Variants in HPSE2 observed in about 807,000 individuals in gnomAD.
HPSE2 encodes the protein heparanase 2 (inactive).
Under a neutral mutation model 60.5 loss-of-function variants are expected in HPSE2, and 38 were observed. The observed-to-expected ratio is 0.63, with a 90% CI of 0.48 to 0.82. The LOEUF is 0.82. Among genes scored for constraint, HPSE2 ranks in the 40% least tolerant of loss-of-function variants. The pLI is 0.00. For synonymous variants in HPSE2, 295 were observed against 293.2 expected (o/e 1.01, Z -0.06); for missense variants, 713 against 740.4 (o/e 0.96, Z 0.43).
chr10:98,549,632 T>C (rs537569065), intron 9 of HPSE2, among the ~76,000 whole-genome samples: 3 of 152,314 alleles, frequency 2.0e-5, no homozygotes, highest in African/African-American at 7.2e-5. Flanking sequence ...ATCTAATCAA[T>C]TTGGTCCAAG....
intron 3 of HPSE2, among the ~76,000 whole-genome samples, chr10:98,843,690 C>A (rs1346575660): frequency 3.3e-5 from 5 of 152,170 alleles, no homozygotes; most frequent in South Asian, 4.1e-4. Context: ...CATGAAAAAA[C>A]CAGCATTTTA....
chr10:99,094,959 G>C (rs1193483561), intron 3 of HPSE2, among the ~76,000 whole-genome samples: 1 of 152,052 alleles, frequency 6.6e-6, no homozygotes, highest in African/African-American at 2.4e-5. Flanking sequence ...AGGCCAAGGT[G>C]GGAGGATCGC....
At position 99,215,221 on chromosome 10, in the gene HPSE2, A is replaced by G. The variant is rs79666706; in HGVS notation, c.448+17127T>C. Among the ~76,000 whole-genome samples, 384 of 152,308 alleles carry G rather than the reference A, an allele frequency of 2.5e-3. 2 individuals are homozygous for G. The highest frequency in any genetic ancestry group is 8.8e-3 in the African/African-American group (364 of 41,578). ...ACCCAAATGCCCACCAATGACGGACATTTCTTTATTTTCACCAATGAAGAA... is the reference window on the plus strand; with the variant it reads ...ACCCAAATGCCCACCAATGACGGACGTTTCTTTATTTTCACCAATGAAGAA... On this transcript the variant is annotated intron_variant, in intron 2 of 11. Coordinates refer to ENST00000370552, the MANE Select transcript of HPSE2 (RefSeq NM_021828.5).
intron 2 of HPSE2, among the ~76,000 whole-genome samples, chr10:99,182,459 G>A (rs1436662354): frequency 6.6e-6 from 1 of 152,126 alleles, no homozygotes; most frequent in Non-Finnish European, 1.5e-5. Context: ...CAAATATTTA[G>A]CAAGCTGCTT....
intron 3 of HPSE2, among the ~76,000 whole-genome samples, chr10:99,004,374 T>C (rs1385094553): frequency 2.0e-5 from 3 of 152,090 alleles, no homozygotes; most frequent in African/African-American, 7.2e-5. Flanking sequence ...GTTAAGTGAT[T>C]TTTCTCTAGA....
At chr10:98,779,075 A>C (rs893745291) in intron 3 of HPSE2, among the ~76,000 whole-genome samples, 4 of 152,176 alleles carry the variant, frequency 2.6e-5, no homozygotes, top group Non-Finnish European at 5.9e-5. Context: ...GATTAATTTT[A>C]AACTGCAGTA....
intron 3 of HPSE2, among the ~76,000 whole-genome samples, chr10:98,903,811 G>A (rs1953733760): frequency 6.6e-6 from 1 of 151,982 alleles, no homozygotes; most frequent in South Asian, 2.1e-4. Context: ...ATCTAGTAAG[G>A]GAGACAGATG....
chr10:98,839,986 C>G (rs1951873543), intron 3 of HPSE2, among the ~76,000 whole-genome samples: 1 of 152,136 alleles, frequency 6.6e-6, no homozygotes, highest in Non-Finnish European at 1.5e-5. Context: ...CTTATTTAAA[C>G]CTTATGACAA....
At position 99,097,057 on chromosome 10, in the gene HPSE2, A is replaced by C. The variant is rs555710237; in HGVS notation, c.610+47181T>G. Among the ~76,000 whole-genome samples the C allele has an allele frequency of 6.6e-4, 101 of 152,344 alleles. No homozygotes were observed. The East Asian group carries it at 0.011, about 16-fold the overall frequency. ...AGGAGCATATGCAAATATGCTGCCT[A>C]GGAATGAAGTCCACTAAATCCGGCT... is the stretch of plus-strand genomic sequence containing the variant. On this transcript the variant is annotated intron_variant, in intron 3 of 11. Transcript: ENST00000370552.
chr10:99,290,404 T>C, the HPSE2 span, among the ~76,000 whole-genome samples: 19 of 152,224 alleles, frequency 1.2e-4, no homozygotes, highest in African/African-American at 4.6e-4. Context: ...TTCCTAATGA[T>C]GTCAGTCATA....
intron 2 of HPSE2, among the ~76,000 whole-genome samples, chr10:99,188,963 T>G (rs1266306321): frequency 6.6e-6 from 1 of 152,164 alleles, no homozygotes; most frequent in Admixed American, 6.5e-5. Context: ...TTTCCTCTTT[T>G]AACACAAGAG....
intron 2 of HPSE2, among the ~76,000 whole-genome samples, chr10:99,214,472 T>A (rs1206803418): frequency 6.6e-6 from 1 of 152,170 alleles, no homozygotes; most frequent in African/African-American, 2.4e-5. Flanking sequence ...TTAAATGAAA[T>A]GTGGTATATT....
At chr10:99,032,512 G>A (rs1957520147) in intron 3 of HPSE2, among the ~76,000 whole-genome samples, 1 of 152,084 alleles carries the variant, frequency 6.6e-6, no homozygotes, top group South Asian at 2.1e-4. Context: ...ATTTATTTAT[G>A]CCTCTGCTTT....
intron 3 of HPSE2, among the ~76,000 whole-genome samples, chr10:99,143,578 C>A (rs888842988): frequency 1.3e-5 from 2 of 152,048 alleles, no homozygotes; most frequent in Admixed American, 6.6e-5. Flanking sequence ...ATCTCAAATC[C>A]TTAATGATTC....
At chr10:98,977,805 T>C (rs1187284035) in intron 3 of HPSE2, among the ~76,000 whole-genome samples, 2 of 151,770 alleles carry the variant, frequency 1.3e-5, no homozygotes, top group Admixed American at 6.6e-5. Flanking sequence ...ATATATACTT[T>C]TTATAAAATG....
chr10:99,010,063 G>A (rs978125929), intron 3 of HPSE2, among the ~76,000 whole-genome samples: 7 of 152,106 alleles, frequency 4.6e-5, no homozygotes, highest in African/African-American at 9.7e-5. Flanking sequence ...CTTAGAATCC[G>A]CTCTGTTGTG....
Position 98,461,619 on chromosome 10 carries a change from C to G in HPSE2, c.1614-1880G>C, listed in dbSNP as rs116113148. On this transcript the variant is annotated intron_variant, in intron 11 of 11. Transcript: ENST00000370552. ...TTCAGGTGCTATGAATATCTATCAC[C>G]CAGATATAAGCACAGTCAAACACGA... is the stretch of plus-strand genomic sequence containing the variant. 2,560 of 602,154 alleles carry G rather than the reference C, an allele frequency of 4.3e-3. 49 individuals carry two copies. The highest frequency in any genetic ancestry group is 0.04 in the African/African-American group (2,141 of 53,952). The allele number at this position is 602,154 out of a possible 1,614,324, so 37.3% of individuals were successfully genotyped here. A position where few individuals can be genotyped will look rare whatever the true frequency, so the allele number is the denominator to read the frequency against.
intron 3 of HPSE2, among the ~76,000 whole-genome samples, chr10:98,955,511 G>A (rs1265211136): frequency 6.6e-6 from 1 of 152,114 alleles, no homozygotes; most frequent in Non-Finnish European, 1.5e-5. Context: ...CTGTTTGTAG[G>A]AATATAAATT....
chr10:98,692,469 T>C (rs981041394), intron 6 of HPSE2, among the ~76,000 whole-genome samples: 2 of 151,756 alleles, frequency 1.3e-5, no homozygotes, highest in African/African-American at 4.8e-5. Context: ...AATCCATGAC[T>C]CACACAAACA....
Sources: allele counts gnomAD v4.1 joint callset (sites outside exome capture counted in the v4.1 genomes callset), GRCh38; gene constraint gnomAD v4.1.1; transcripts MANE v1.5; gene names NCBI Gene and HGNC (gene_info 2026-07-23, HGNC 2026-07-21).